The following MKLN1 variants were observed in gnomAD, a reference collection of about 807,000 sequenced individuals.
The protein encoded by MKLN1 is muskelin.
MKLN1 carries 18 observed loss-of-function variants against 99.0 expected under a neutral mutation model. That is an observed-to-expected ratio of 0.18 (90% CI 0.13 to 0.27). MKLN1 has a LOEUF of 0.27. MKLN1 is among the 10% of genes least tolerant of loss of function. MKLN1 has a pLI of 1.00. For synonymous variants in MKLN1, 288 were observed against 293.2 expected (o/e 0.98, Z 0.18); for missense variants, 621 against 875.9 (o/e 0.71, Z 3.67).
chr7:131,267,358 T>C (rs1797823198), intron 3 of MKLN1, among the ~76,000 whole-genome samples: 1 of 151,844 alleles, frequency 6.6e-6, no homozygotes, highest in Admixed American at 6.6e-5. Context: ...TAAATAAATA[T>C]ACATATAAAT....
At chr7:131,323,409 G>A (rs1288153976), upstream of MKLN1, 2 of 152,122 alleles carry the variant, frequency 1.3e-5, no homozygotes, top group Admixed American at 6.6e-5. Context: ...TCTTTTAGAA[G>A]TTTTTAGGTG....
Position 131,192,108 on chromosome 7 carries a change from A to AT in MKLN1, c.-296-10747dup, listed in dbSNP as rs1293971433. Among the ~76,000 whole-genome samples the AT allele has an allele frequency of 6.3e-5, 5 of 79,464 alleles. No homozygotes were observed. In the Admixed American group the frequency reaches 8.5e-4, roughly 14 times the overall value. The allele number at this position is 79,464 out of a possible 152,430, so 52.1% of individuals were successfully genotyped here. On this transcript the variant is annotated intron_variant, in intron 2 of 7. Transcript: ENST00000416992. ...ATATTATATATATATGTATATATATATTATATATATACGTATATATATAAA... is the reference window on the plus strand; with the variant it reads ...ATATTATATATATATGTATATATATATTTATATATATACGTATATATATAAA...
chr7:131,466,563 C>A, intron 15 of MKLN1, 148 bp downstream of exon 15: 3 of 503,752 alleles, frequency 6.0e-6, no homozygotes, highest in Admixed American at 4.3e-5. Context: ...TTTCGTTTTT[C>A]AAAAGAAGAT....
intron 2 of MKLN1, among the ~76,000 whole-genome samples, chr7:131,194,265 G>A (rs1461796209): frequency 6.6e-6 from 1 of 152,068 alleles, no homozygotes; most frequent in African/African-American, 2.4e-5. Context: ...GAAACCCCAT[G>A]TCCATTACGC....
At chr7:131,373,412 T>C (rs1364956324) in intron 1 of MKLN1, among the ~76,000 whole-genome samples, 1 of 152,134 alleles carries the variant, frequency 6.6e-6, no homozygotes, top group Non-Finnish European at 1.5e-5. Context: ...TCTAGTTGGC[T>C]GTTTGCCTGT....
intron 1 of MKLN1, among the ~76,000 whole-genome samples, chr7:131,356,786 A>G (rs911180487): frequency 1.3e-5 from 2 of 152,134 alleles, no homozygotes; most frequent in Admixed American, 1.3e-4. Context: ...TGCGCCAAAT[A>G]TGTTGCCGGT....
intron 1 of MKLN1, among the ~76,000 whole-genome samples, chr7:131,359,946 A>G (rs1799981071): frequency 6.6e-6 from 1 of 151,714 alleles, no homozygotes; most frequent in Non-Finnish European, 1.5e-5. Context: ...GTACTTTTTT[A>G]CCATGTTGGC....
At chr7:131,347,113 A>G (rs1799585063) in intron 1 of MKLN1, among the ~76,000 whole-genome samples, 1 of 152,210 alleles carries the variant, frequency 6.6e-6, no homozygotes, top group Non-Finnish European at 1.5e-5. Context: ...TGCAACCTGC[A>G]TAATTATATA....
chr7:131,481,732 G>C (rs1797125422), intron 17 of MKLN1, among the ~76,000 whole-genome samples: 1 of 148,822 alleles, frequency 6.7e-6, no homozygotes, highest in Non-Finnish European at 1.5e-5. Flanking sequence ...TTCTATCTTT[G>C]TGCCAATTAG....
At chr7:131,333,629 C>T (rs559002152) in intron 1 of MKLN1, among the ~76,000 whole-genome samples, 3 of 151,898 alleles carry the variant, frequency 2.0e-5, no homozygotes, top group East Asian at 1.9e-4. Context: ...CTCTGCCTCC[C>T]GGGTCCAAGC....
At chr7:131,368,869 A>C (rs1800259352) in intron 1 of MKLN1, among the ~76,000 whole-genome samples, 1 of 152,160 alleles carries the variant, frequency 6.6e-6, no homozygotes, top group Non-Finnish European at 1.5e-5. Flanking sequence ...TTTATGTATG[A>C]ATAATATGAC....
At chr7:131,280,993 A>G (rs1798042191) in intron 3 of MKLN1, among the ~76,000 whole-genome samples, 1 of 152,064 alleles carries the variant, frequency 6.6e-6, no homozygotes, top group African/African-American at 2.4e-5. Flanking sequence ...TGTCCTGTGG[A>G]CTGTCTTTTC....
At chr7:131,278,552 G>A (rs747790982) in intron 3 of MKLN1, among the ~76,000 whole-genome samples, 2 of 152,014 alleles carry the variant, frequency 1.3e-5, no homozygotes, top group Admixed American at 6.6e-5. Context: ...TTTAACTAGA[G>A]AGTAGTAGTT....
At chr7:131,331,336 C>A (rs1799067397) in intron 1 of MKLN1, among the ~76,000 whole-genome samples, 1 of 152,290 alleles carries the variant, frequency 6.6e-6, no homozygotes, top group Non-Finnish European at 1.5e-5. Context: ...TGAGTACTTT[C>A]TATTCTTCAG....
chr7:131,344,045 A>G (rs1256144795), intron 1 of MKLN1, among the ~76,000 whole-genome samples: 1 of 152,228 alleles, frequency 6.6e-6, no homozygotes, highest in African/African-American at 2.4e-5. Flanking sequence ...CCTGATTTTA[A>G]AACGGTTTGA....
intron 2 of MKLN1, chr7:131,143,048 T>C: frequency 1.4e-6 from 1 of 714,704 alleles, no homozygotes; most frequent in Non-Finnish European, 2.2e-6. Flanking sequence ...CATCAGAAGA[T>C]GTGACTGGAG....
At chr7:131,485,890 A>G (rs1290055897) in intron 17 of MKLN1, among the ~76,000 whole-genome samples, 2 of 152,132 alleles carry the variant, frequency 1.3e-5, no homozygotes, top group Non-Finnish European at 2.9e-5. Context: ...AGTAGGAAAC[A>G]TGACTGTAAA....
chr7:131,178,916 T>C (rs570565946), intron 2 of MKLN1, among the ~76,000 whole-genome samples: 3 of 152,326 alleles, frequency 2.0e-5, no homozygotes, highest in South Asian at 2.1e-4. Flanking sequence ...TATTTTTTTA[T>C]TCTTTCCATT....
chr7:131,149,322 T>C (rs1181930106), intron 2 of MKLN1, among the ~76,000 whole-genome samples: 1 of 152,220 alleles, frequency 6.6e-6, no homozygotes. Flanking sequence ...CAAAGTATCA[T>C]GTAACCTGTC....
Sources: gnomAD v4.1 joint callset for allele counts (sites outside exome capture counted in the v4.1 genomes callset) on GRCh38, gnomAD v4.1.1 for gene constraint, MANE v1.5 for transcripts, NCBI Gene and HGNC (gene_info 2026-07-23, HGNC 2026-07-21) for gene names.